NCOA7: variants seen among roughly 807,000 people sequenced by gnomAD.
NCOA7 encodes nuclear receptor coactivator 7, also known as 140 kDa estrogen receptor-associated protein.
A neutral mutation model predicts 104.3 loss-of-function variants in NCOA7; 45 were observed. The observed-to-expected ratio is 0.43, with a 90% confidence interval of 0.34 to 0.55. The LOEUF (loss-of-function observed/expected upper bound fraction) is 0.55, where lower values mean the gene tolerates loss of function less well. Ranked by LOEUF, NCOA7 falls within the 20% of genes least tolerant of loss-of-function variation. The probability of loss-of-function intolerance (pLI) is 0.02; values close to 1 mark genes in which losing one functional copy is unlikely to be tolerated. For synonymous variants in NCOA7, 398 were observed against 402.3 expected, an observed-to-expected ratio of 0.99 and a Z score of 0.13; for missense variants, 1,041 against 1,119.7, an observed-to-expected ratio of 0.93 and a Z score of 1.00.
chr6:125,814,166 T>G (rs1777351507), intron 1 of NCOA7, among the ~76,000 whole-genome samples: 1 of 152,212 alleles, frequency 6.6e-6, no homozygotes, highest in Non-Finnish European at 1.5e-5. Context: ...TTTACTAATT[T>G]TTTTTTGAGA....
At chr6:125,915,276 A>G (rs1786956461) in intron 10 of NCOA7, 57 bp from the exon 11 acceptor site, 2 of 1,602,742 alleles carry the variant, frequency 1.2e-6, no homozygotes, top group Non-Finnish European at 8.5e-7. Context: ...AGTCCACACT[A>G]GCACCTGCCA....
At chr6:125,838,969 A>G (rs1011685029) in intron 2 of NCOA7, among the ~76,000 whole-genome samples, 5 of 152,102 alleles carry the variant, frequency 3.3e-5, no homozygotes, top group Middle Eastern at 3.2e-3. Flanking sequence ...ACAAGCTTCC[A>G]TGCCCTCTCT....
chr6:125,906,643 A>G (rs1314968494), intron 10 of NCOA7, among the ~76,000 whole-genome samples: 1 of 152,188 alleles, frequency 6.6e-6, no homozygotes, highest in East Asian at 1.9e-4. Context: ...CCTAAAGTAT[A>G]TGAACCCAGA....
chr6:125,835,468 T>G (rs1307417992), intron 2 of NCOA7, among the ~76,000 whole-genome samples: 1 of 152,232 alleles, frequency 6.6e-6, no homozygotes, highest in African/African-American at 2.4e-5. Context: ...ATGCCTGGAT[T>G]TGGGACTCAA....
At position 125,864,515 on chromosome 6, in the gene NCOA7, C is replaced by A. The variant is rs1484171320; in HGVS notation, c.271+9275C>A. Among the ~76,000 whole-genome samples, 6 of 134,414 alleles carry A rather than the reference C, an allele frequency of 4.5e-5. 1 individual carries two copies. Among genetic ancestry groups the A allele is most frequent in the African/African-American group, 1.6e-4 (5 of 31,506 alleles). The allele number at this position is 134,414 out of a possible 152,430, so 88.2% of individuals were successfully genotyped here. On this transcript the variant is annotated intron_variant, in intron 3 of 15. Coordinates refer to ENST00000392477, the MANE Select transcript of NCOA7 (RefSeq NM_181782.5). Reference sequence around the variant, plus strand: ...CTGAATATTTGTGTCCCCCCACCCACCCCCAAATTTACATGTTGAAATCCT... The same window carrying A: ...CTGAATATTTGTGTCCCCCCACCCAACCCCAAATTTACATGTTGAAATCCT...
intron 10 of NCOA7, among the ~76,000 whole-genome samples, chr6:125,899,546 T>G (rs1005011394): frequency 6.6e-6 from 1 of 152,208 alleles, no homozygotes; most frequent in African/African-American, 2.4e-5. Context: ...GATGATTCTT[T>G]AAGTTGAAAG....
At chr6:125,890,035 C>G (rs1784519739) in intron 9 of NCOA7, 54 bp downstream of exon 9, 22 of 1,325,650 alleles carry the variant, frequency 1.7e-5, no homozygotes, top group Non-Finnish European at 2.1e-5. Flanking sequence ...TGCCTTTCTA[C>G]AATTTGCACA....
chr6:125,926,804 C>G (rs1322095306), intron 13 of NCOA7, among the ~76,000 whole-genome samples: 1 of 152,176 alleles, frequency 6.6e-6, no homozygotes, highest in Non-Finnish European at 1.5e-5. Flanking sequence ...AAGCAATGTT[C>G]CTCAAATGGG....
intron 1 of NCOA7, among the ~76,000 whole-genome samples, chr6:125,813,388 T>C (rs2128568806): frequency 6.6e-6 from 1 of 152,260 alleles, no homozygotes; most frequent in East Asian, 1.9e-4. Flanking sequence ...GGAACAATTT[T>C]GTCTTCTTGC....
At position 125,878,229 on chromosome 6, in the gene NCOA7, T is replaced by C. The variant is rs768719927; in HGVS notation, c.352-34T>C. On this transcript the variant is annotated intron_variant, in intron 4 of 15. Coordinates refer to ENST00000392477, the MANE Select transcript of NCOA7 (RefSeq NM_181782.5). ...CTATCAAAAGTAATTTTTTTTGCTT[T>C]ATTTATTGACTCTTACCTGTTTGAT... 3 of 1,479,000 alleles carry C rather than the reference T, an allele frequency of 2.0e-6. No homozygotes were observed. The East Asian group carries it at 7.1e-5, about 35-fold the overall frequency. The allele number at this position is 1,479,000 out of a possible 1,614,324, so 91.6% of individuals were successfully genotyped here.
chr6:125,880,810 G>A (rs1372431885), intron 5 of NCOA7, among the ~76,000 whole-genome samples: 1 of 152,128 alleles, frequency 6.6e-6, no homozygotes, highest in Non-Finnish European at 1.5e-5. Flanking sequence ...GGGATTACAG[G>A]CATGAGCCAC....
intron 1 of NCOA7, among the ~76,000 whole-genome samples, chr6:125,783,004 T>A (rs1774295737): frequency 6.6e-6 from 1 of 152,186 alleles, no homozygotes; most frequent in Admixed American, 6.5e-5. Flanking sequence ...AAAAGACTCA[T>A]CTGGCCATTG....
chr6:125,807,825 G>T (rs968388673), intron 1 of NCOA7, among the ~76,000 whole-genome samples: 2 of 152,178 alleles, frequency 1.3e-5, no homozygotes, highest in Admixed American at 6.5e-5. Flanking sequence ...ATGGATTTCA[G>T]CTCTCAGAGC....
intron 7 of NCOA7, among the ~76,000 whole-genome samples, chr6:125,884,587 A>G (rs1784112619): frequency 6.6e-6 from 1 of 152,196 alleles, no homozygotes; most frequent in Non-Finnish European, 1.5e-5. Flanking sequence ...TCCATAGTTC[A>G]GCTATATTCA....
At chr6:125,801,148 C>T (rs1775853419) in intron 1 of NCOA7, among the ~76,000 whole-genome samples, 1 of 152,170 alleles carries the variant, frequency 6.6e-6, no homozygotes, top group African/African-American at 2.4e-5. Flanking sequence ...ATAGAAGTGG[C>T]ATAGTACATG....
chr6:125,889,248 T>C lies in NCOA7; in HGVS notation c.1194T>C (p.Ser398=). ...TKLSKEPSDT[S]SAFESTAKEN... ...TCAGCAAGGAACCTTCCGACACTTCTTCTGCATTTGAATCTACAGCCAAAG... is the reference window on the plus strand; with the variant it reads ...TCAGCAAGGAACCTTCCGACACTTCCTCTGCATTTGAATCTACAGCCAAAG... Residue 398 remains serine, a synonymous_variant, in exon 9 of 16, where the codon TCT becomes TCC. Coordinates refer to ENST00000392477, the MANE Select transcript of NCOA7 (RefSeq NM_181782.5). 6.2e-7 allele frequency: 1 copy of C among 1,614,028 alleles called. No homozygotes were observed. Among genetic ancestry groups the C allele is most frequent in the Non-Finnish European group, 8.5e-7 (1 of 1,179,992 alleles).
intron 4 of NCOA7, among the ~76,000 whole-genome samples, chr6:125,876,442 C>T (rs933152200): frequency 1.3e-4 from 20 of 152,052 alleles, no homozygotes; most frequent in African/African-American, 4.8e-4. Context: ...AAGTATTGGA[C>T]TCAATTATTT....
intron 2 of NCOA7, among the ~76,000 whole-genome samples, chr6:125,830,942 AT>A (rs1779139272): frequency 6.6e-6 from 1 of 151,862 alleles, no homozygotes; most frequent in African/African-American, 2.4e-5. Flanking sequence ...TTTTCCAGGA[AT>A]TTTGAAGCCT....
At chr6:125,840,120 T>C (rs898538638) in intron 2 of NCOA7, among the ~76,000 whole-genome samples, 1 of 152,088 alleles carries the variant, frequency 6.6e-6, no homozygotes, top group African/African-American at 2.4e-5. Context: ...GACAATGACG[T>C]TGATGTTCCT....
Sources: gnomAD v4.1 joint callset for allele counts (sites outside exome capture counted in the v4.1 genomes callset) on GRCh38, gnomAD v4.1.1 for gene constraint, MANE v1.5 for transcripts, NCBI Gene and HGNC (gene_info 2026-07-23, HGNC 2026-07-21) for gene names.